Variants in HAL observed in about 807,000 individuals in gnomAD.
HAL encodes histidase.
HAL carries 85 observed loss-of-function variants against 81.1 expected under a neutral mutation model. The ratio of observed to expected loss-of-function variants is 1.05; its 90% confidence interval spans 0.88 to 1.25. The LOEUF is 1.25. HAL is among the 50% of genes most tolerant of loss of function. HAL has a pLI of 0.00. For missense variants in HAL, 798 were observed against 836.6 expected, an observed-to-expected ratio of 0.95 and a Z score of 0.57; for synonymous variants, 301 against 309.2, an observed-to-expected ratio of 0.97 and a Z score of 0.28.
chr12:95,988,118 C>A, intron 11 of HAL, 75 bp downstream of exon 11: 1 of 808,350 alleles, frequency 1.2e-6, no homozygotes, highest in Non-Finnish European at 2.2e-6. Context: ...ATGATTGAGG[C>A]TGAGATTAAA....
chr12:95,993,699 T>C (rs1207821862), intron 7 of HAL, 73 bp downstream of exon 7: 1 of 961,222 alleles, frequency 1.0e-6, no homozygotes, highest in Non-Finnish European at 1.7e-6. Context: ...AAATGTGAAT[T>C]ATTTCCCTTG....
In HAL at chr12:95,980,822, G is replaced by A. The variant is rs150083495; in HGVS notation, c.1329C>T (p.Asn443=). 2 of 1,593,706 alleles carry A rather than the reference G, an allele frequency of 1.3e-6. No homozygotes were observed. The highest frequency in any genetic ancestry group is 1.7e-5 in the Admixed American group (1 of 59,998). ...CTTTGGCTGGGTATTCACCATGGAA[G>A]TTTCCTCCAGAAACTGTCTCTCCCC... ...ANRGETVSGG[N]FHGEYPAKAL... is the part of the protein sequence containing the mutation. Residue 443 remains asparagine (N), a synonymous_variant, in exon 16 of 21, where the codon AAC becomes AAT. Coordinates refer to ENST00000261208, the MANE Select transcript of HAL (RefSeq NM_002108.4).
rs536543519 is a variant in HAL at position 95,993,682 on chromosome 12, T to C, written c.551+90A>G. 2.9e-5 allele frequency: 26 copies of C among 903,012 alleles called. No homozygotes were observed. The East Asian group carries it at 5.7e-4, about 20-fold the overall frequency. The allele number at this position is 903,012 out of a possible 1,614,324, so 55.9% of individuals were successfully genotyped here. ...CAAGCCTCATCCTCTGATCTGTAAA[T>C]TGGGGCAAATGTGAATTATTTCCCT... On this transcript the variant is annotated intron_variant, in intron 7 of 20. Transcript: ENST00000261208.
chr12:95,980,899 G>C, intron 15 of HAL, 36 bp from the exon 16 acceptor site: 1 of 1,247,342 alleles, frequency 8.0e-7, no homozygotes, highest in Non-Finnish European at 1.2e-6. Flanking sequence ...GATAATGTTT[G>C]CTGGTCACTT....
At position 95,993,949 on chromosome 12, in the gene HAL, T is replaced by C; in HGVS notation, c.461A>G (p.Asp154Gly). The change falls in exon 6 of 21, where the codon GAT becomes GGT. Residue 154 changes from aspartate (D) to glycine (G), a missense_variant. Physicochemically the swap from Asp to Gly is moderately conservative, Grantham distance 94 (BLOSUM62 -1). Coordinates refer to ENST00000261208, the MANE Select transcript of HAL (RefSeq NM_002108.4). Reference sequence around the variant, plus strand: ...ACCTGTTTTCTCTTTTATGATGCTATCTATGACCTCCCTGGATTTCTGCAC... The same window carrying C: ...ACCTGTTTTCTCTTTTATGATGCTACCTATGACCTCCCTGGATTTCTGCAC... ...KRVQKSREVIDSIIKEKTVVY... is the reference protein window; with the variant it reads ...KRVQKSREVIGSIIKEKTVVY... 6.2e-7 allele frequency: 1 copy of C among 1,606,832 alleles called. No homozygotes were observed. The highest frequency in any genetic ancestry group is 8.5e-7 in the Non-Finnish European group (1 of 1,173,404).
intron 17 of HAL, among the ~76,000 whole-genome samples, 171 bp from the exon 18 acceptor site, chr12:95,978,249 T>C (rs1392776404): frequency 4.3e-5 from 1 of 22,992 alleles, no homozygotes; most frequent in Non-Finnish European, 6.4e-5. Context: ...AAGCAGGTCA[T>C]TTTTTTTCCC....
Position 95,974,056 on chromosome 12 carries a change from G to A in HAL, c.*176C>T. ...CTTGAACCACGACAACAGGAACACAGTGCTGAATTTAGCAACTATAATACT... is the reference window on the plus strand; with the variant it reads ...CTTGAACCACGACAACAGGAACACAATGCTGAATTTAGCAACTATAATACT... On this transcript the variant is annotated 3_prime_UTR_variant, in exon 21 of 21. Coordinates refer to ENST00000261208, the MANE Select transcript of HAL (RefSeq NM_002108.4). The A allele has an allele frequency of 1.4e-6, 1 of 700,986 alleles. No homozygotes were observed. The highest frequency in any genetic ancestry group is 2.6e-6 in the Non-Finnish European group (1 of 387,586). The allele number at this position is 700,986 out of a possible 1,614,324, so 43.4% of individuals were successfully genotyped here.
chr12:95,986,972 C>G, intron 12 of HAL, 95 bp downstream of exon 12: 1 of 1,064,938 alleles, frequency 9.4e-7, no homozygotes, highest in Non-Finnish European at 1.5e-6. Context: ...TCCCTACTAC[C>G]TGCCCCCACC....
At position 95,993,877 on chromosome 12, in the gene HAL, A is replaced by T. The variant is rs751838792; in HGVS notation, c.485-39T>A. The stretch of plus-strand genomic sequence containing the variant: ...AGACATTATGCAATTAAATGCAGGG[A>T]TTTTTGTTTGTTTATAAAAATATTT... On this transcript the variant is annotated intron_variant, in intron 6 of 20. Transcript: ENST00000261208. 1,179 of 1,475,700 alleles carry T rather than the reference A, an allele frequency of 8.0e-4. 2 individuals carry two copies. The highest frequency in any genetic ancestry group is 1.0e-3 in the Non-Finnish European group (1,086 of 1,055,046). The allele number at this position is 1,475,700 out of a possible 1,614,324, so 91.4% of individuals were successfully genotyped here.
Position 95,977,929 on chromosome 12 carries a change from A to G in HAL, c.1654+15T>C. On this transcript the variant is annotated intron_variant, in intron 18 of 20. Transcript: ENST00000261208. ...CTATCAGGCAGGCCCGCCACCCCGA[A>G]CTCATCAGCATTACCTTGCTCCACA... The G allele has an allele frequency of 6.2e-7, 1 of 1,613,772 alleles. No individual in the cohort carries two copies. Among genetic ancestry groups the G allele is most frequent in the Non-Finnish European group, 8.5e-7 (1 of 1,179,844 alleles).
chr12:95,995,274 T>G (rs1204624893), intron 2 of HAL: 12 of 576,998 alleles, frequency 2.1e-5, no homozygotes, highest in Non-Finnish European at 3.4e-5. Context: ...AAATCTGAAC[T>G]GATGCTATGC....
intron 6 of HAL, 39 bp from the exon 7 acceptor site, chr12:95,993,877 A>G (rs751838792): frequency 2.7e-6 from 4 of 1,475,832 alleles, no homozygotes; most frequent in Non-Finnish European, 2.8e-6. Flanking sequence ...AAATGCAGGG[A>G]TTTTTGTTTG....
At chr12:95,990,668 G>C in intron 9 of HAL, 136 bp from the exon 10 acceptor site, 4 of 751,588 alleles carry the variant, frequency 5.3e-6, no homozygotes, top group Admixed American at 2.0e-5. Flanking sequence ...GATACCTGGG[G>C]AAAGACAATT....
At chr12:95,976,781 T>C (rs1194329037) in intron 18 of HAL, 75 bp from the exon 19 acceptor site, 3 of 899,294 alleles carry the variant, frequency 3.3e-6, no homozygotes, top group Non-Finnish European at 3.7e-6. Flanking sequence ...TTTCCCAAAG[T>C]TGACACCCAT....
In HAL at chr12:95,976,502, C is replaced by A. The variant is rs189238113; in HGVS notation, c.1764-4G>T. ...GAAGCGATCTTTTATCCAGGGCCTACAGGGAGAGCACATCCGCCCATCAGC... is the reference window on the plus strand; with the variant it reads ...GAAGCGATCTTTTATCCAGGGCCTAAAGGGAGAGCACATCCGCCCATCAGC... On this transcript the variant is annotated splice_region_variant and splice_polypyrimidine_tract_variant and intron_variant, in intron 19 of 20. Transcript: ENST00000261208. 688 of 1,613,894 alleles carry A rather than the reference C, an allele frequency of 4.3e-4. 4 individuals carry two copies. In the African/African-American group the frequency reaches 7.8e-3, roughly 18 times the overall value.
At position 95,974,210 on chromosome 12, in the gene HAL, T is replaced by A; in HGVS notation, c.*22A>T. Reference sequence around the variant, plus strand: ...GTGCTAAACTGACTGCCCTCTCATCTGCTACTTCATGACAAAGCCCATTAA... The same window carrying A: ...GTGCTAAACTGACTGCCCTCTCATCAGCTACTTCATGACAAAGCCCATTAA... On this transcript the variant is annotated 3_prime_UTR_variant, in exon 21 of 21. Coordinates refer to ENST00000261208, the MANE Select transcript of HAL (RefSeq NM_002108.4). 6.2e-7 allele frequency: 1 copy of A among 1,611,270 alleles called. No individual in the cohort carries two copies. The highest frequency in any genetic ancestry group is 8.5e-7 in the Non-Finnish European group (1 of 1,177,362).
chr12:95,988,968 T>G (rs191309856), intron 10 of HAL, among the ~76,000 whole-genome samples: 1 of 152,260 alleles, frequency 6.6e-6, no homozygotes. Flanking sequence ...CTGGATTCTG[T>G]TCTGGGTGTT....
chr12:95,990,295 C>T (rs1316801261), intron 10 of HAL, 98 bp downstream of exon 10: 3 of 971,086 alleles, frequency 3.1e-6, no homozygotes. Context: ...AGCTCCCTCA[C>T]TGGGCTGTTG....
intron 15 of HAL, among the ~76,000 whole-genome samples, chr12:95,981,621 A>T (rs2136800347): frequency 6.6e-6 from 1 of 152,258 alleles, no homozygotes; most frequent in Non-Finnish European, 1.5e-5. Flanking sequence ...CATCACACCC[A>T]GTTAAATTTT....
Sources: allele counts gnomAD v4.1 joint callset (sites outside exome capture counted in the v4.1 genomes callset), GRCh38; gene constraint gnomAD v4.1.1; transcripts MANE v1.5; gene names NCBI Gene and HGNC (gene_info 2026-07-23, HGNC 2026-07-21).